The following WDR70 variants were observed in gnomAD, a reference collection of about 807,000 sequenced individuals.
The protein encoded by WDR70 is WD repeat-containing protein 70.
In WDR70, 53 loss-of-function variants were observed where a neutral mutation model predicts 88.6. The ratio of observed to expected loss-of-function variants is 0.60; its 90% CI spans 0.48 to 0.75. The LOEUF (loss-of-function observed/expected upper bound fraction) is 0.75. Among genes scored for constraint, WDR70 ranks in the 30% least tolerant of loss-of-function variants. The probability of loss-of-function intolerance (pLI) is 0.00; values close to 1 mark genes in which losing one functional copy is unlikely to be tolerated. For synonymous variants in WDR70, 280 were observed against 270.0 expected (o/e 1.04, Z -0.36); for missense variants, 610 against 823.2 (o/e 0.74, Z 3.17).
intron 10 of WDR70, among the ~76,000 whole-genome samples, chr5:37,605,579 A>G (rs1744012656): frequency 6.6e-6 from 1 of 152,226 alleles, no homozygotes; most frequent in African/African-American, 2.4e-5. Context: ...ATAAAACAAC[A>G]CTAAGCAGAG....
intron 9 of WDR70, among the ~76,000 whole-genome samples, chr5:37,588,488 C>T (rs1262503289): frequency 3.3e-5 from 5 of 152,092 alleles, no homozygotes; most frequent in Admixed American, 3.3e-4. Context: ...AGTTCCCTTC[C>T]CTGCCCTCCC....
intron 5 of WDR70, among the ~76,000 whole-genome samples, chr5:37,429,768 G>A (rs1750247050): frequency 6.6e-6 from 1 of 152,166 alleles, no homozygotes; most frequent in Admixed American, 6.5e-5. Context: ...CTCTATACAT[G>A]AAATCATGTA....
intron 10 of WDR70, among the ~76,000 whole-genome samples, chr5:37,657,858 C>A (rs971171088): frequency 1.3e-5 from 2 of 152,202 alleles, no homozygotes; most frequent in Non-Finnish European, 2.9e-5. Context: ...CGTGTACTTT[C>A]CTTCCTCCAT....
chr5:37,484,447 C>G lies in WDR70; in HGVS notation c.840+4460C>G, dbSNP rs1041023545. Among the ~76,000 whole-genome samples the G allele has an allele frequency of 2.2e-3, 339 of 152,232 alleles. 1 individual carries two copies. Among genetic ancestry groups the G allele is most frequent in the African/African-American group, 7.6e-3 (314 of 41,546 alleles). On this transcript the variant is annotated intron_variant, in intron 8 of 17. Transcript: ENST00000265107. Reference sequence around the variant, plus strand: ...GCGCGCGCCTGCAATCGCAGGCACTCGGCAGGCTGAGGCAGGAGAATCAGG... The same window carrying G: ...GCGCGCGCCTGCAATCGCAGGCACTGGGCAGGCTGAGGCAGGAGAATCAGG...
intron 17 of WDR70, among the ~76,000 whole-genome samples, chr5:37,731,048 G>T (rs72743193): frequency 0.029 from 4,452 of 152,220 alleles, 96 homozygotes; most frequent in Middle Eastern, 0.11. Flanking sequence ...GGTCGCTTTG[G>T]CTTAATCCTG....
chr5:37,479,816 C>A lies in WDR70; in HGVS notation c.687-18C>A, dbSNP rs1445260586. On this transcript the variant is annotated intron_variant, in intron 7 of 17. Transcript: ENST00000265107. ...TTGTGCTTAGTATCTTACCAACTTTCCTTTTCTTTTCGTACAGCCATCAGA... is the reference window on the plus strand; with the variant it reads ...TTGTGCTTAGTATCTTACCAACTTTACTTTTCTTTTCGTACAGCCATCAGA... The A allele has an allele frequency of 1.9e-6, 3 of 1,599,638 alleles. No individual in the cohort carries two copies. Among genetic ancestry groups the A allele is most frequent in the Admixed American group, 1.8e-5 (1 of 56,158 alleles).
intron 8 of WDR70, among the ~76,000 whole-genome samples, chr5:37,515,849 A>G (rs960355607): frequency 7.2e-5 from 11 of 152,180 alleles, no homozygotes; most frequent in African/African-American, 2.4e-4. Context: ...GCATTTGTAT[A>G]TATGTGTGTG....
intron 15 of WDR70, chr5:37,724,692 G>A (rs147453327): frequency 2.2e-5 from 9 of 404,444 alleles, no homozygotes; most frequent in East Asian, 1.7e-4. Flanking sequence ...GAGCCTCACC[G>A]ATGTTTCCAT....
chr5:37,745,895 G>C (rs1274328268), intron 17 of WDR70, among the ~76,000 whole-genome samples: 1 of 152,068 alleles, frequency 6.6e-6, no homozygotes, highest in Non-Finnish European at 1.5e-5. Flanking sequence ...GGAAATTCAG[G>C]ACTTGAACTC....
At chr5:37,414,151 A>T in intron 5 of WDR70, among the ~76,000 whole-genome samples, 1 of 151,398 alleles carries the variant, frequency 6.6e-6, no homozygotes, top group Non-Finnish European at 1.5e-5. Flanking sequence ...TCTCAAAAAA[A>T]AAAAAAAAAA....
intron 7 of WDR70, among the ~76,000 whole-genome samples, chr5:37,464,077 A>T (rs1739089699): frequency 6.6e-6 from 1 of 152,186 alleles, no homozygotes; most frequent in African/African-American, 2.4e-5. Context: ...GGAGCCATTG[A>T]CTGTTTCTAC....
At chr5:37,728,732 T>C (rs1291697409) in intron 17 of WDR70, among the ~76,000 whole-genome samples, 1 of 152,186 alleles carries the variant, frequency 6.6e-6, no homozygotes, top group Non-Finnish European at 1.5e-5. Context: ...GATGCTTTCA[T>C]TCTATTTTCA....
intron 7 of WDR70, among the ~76,000 whole-genome samples, chr5:37,473,563 C>T (rs7702874): frequency 0.43 from 65,541 of 151,906 alleles, 15,703 homozygotes; most frequent in Non-Finnish European, 0.54. Flanking sequence ...AGGCTGGTCT[C>T]GAGCTCCTGA....
intron 5 of WDR70, among the ~76,000 whole-genome samples, chr5:37,434,549 G>A (rs1750412215): frequency 6.6e-6 from 1 of 152,162 alleles, no homozygotes; most frequent in Non-Finnish European, 1.5e-5. Context: ...TTGTTATTGG[G>A]TAGAGGTTTA....
intron 9 of WDR70, among the ~76,000 whole-genome samples, chr5:37,587,163 A>AG (rs1489058131): frequency 2.6e-5 from 4 of 152,136 alleles, no homozygotes; most frequent in African/African-American, 9.6e-5. Flanking sequence ...CACAAGTCTG[A>AG]TTGTGTAACC....
At position 37,743,776 on chromosome 5, in the gene WDR70, G is replaced by A. The variant is rs1238552620; in HGVS notation, c.1878-8710G>A. Among the ~76,000 whole-genome samples, 4 of 152,316 alleles carry A rather than the reference G, an allele frequency of 2.6e-5. No homozygotes were observed. The East Asian group carries it at 5.8e-4, about 22-fold the overall frequency. ...AGGGACAGAATTGGGATCTCCCTGGGCCTGAGCCCCTAGCAGGAGGGGTGG... is the reference window on the plus strand; with the variant it reads ...AGGGACAGAATTGGGATCTCCCTGGACCTGAGCCCCTAGCAGGAGGGGTGG... On this transcript the variant is annotated intron_variant, in intron 17 of 17. Coordinates refer to ENST00000265107, the MANE Select transcript of WDR70 (RefSeq NM_018034.4).
intron 10 of WDR70, among the ~76,000 whole-genome samples, chr5:37,680,969 G>T (rs1192374435): frequency 6.6e-6 from 1 of 152,142 alleles, no homozygotes; most frequent in Admixed American, 6.5e-5. Flanking sequence ...TTCTACTTCT[G>T]AGAAGAATAT....
chr5:37,691,890 C>A (rs1393384483), intron 10 of WDR70, among the ~76,000 whole-genome samples: 4 of 152,088 alleles, frequency 2.6e-5, no homozygotes, highest in Non-Finnish European at 2.9e-5. Flanking sequence ...ACACAAAAAA[C>A]CCTTCAAAAA....
intron 10 of WDR70, among the ~76,000 whole-genome samples, chr5:37,622,529 T>A (rs930196709): frequency 3.3e-5 from 5 of 152,188 alleles, no homozygotes; most frequent in African/African-American, 1.2e-4. Context: ...TAAGAAAATG[T>A]GGCACATATA....
Sources: allele counts gnomAD v4.1 joint callset (sites outside exome capture counted in the v4.1 genomes callset), GRCh38; gene constraint gnomAD v4.1.1; transcripts MANE v1.5; gene names NCBI Gene and HGNC (gene_info 2026-07-23, HGNC 2026-07-21).